The following FMNL2 variants were observed in gnomAD, a reference collection of about 807,000 sequenced individuals.
FMNL2 encodes the protein formin like 2, also known as formin-like protein 2.
A neutral mutation model predicts 130.2 loss-of-function variants in FMNL2; 51 were observed. That is an observed-to-expected ratio of 0.39 (90% CI 0.31 to 0.49). FMNL2 has a LOEUF of 0.49. Among genes scored for constraint, FMNL2 ranks in the 20% least tolerant of loss-of-function variants. The pLI is 0.85. For synonymous variants in FMNL2, 465 were observed against 467.1 expected, an observed-to-expected ratio of 1.00 and a Z score of 0.06; for missense variants, 977 against 1,316.2, an observed-to-expected ratio of 0.74 and a Z score of 3.99.
At chr2:152,358,056 A>C (rs1304382449) in intron 1 of FMNL2, among the ~76,000 whole-genome samples, 1 of 152,206 alleles carries the variant, frequency 6.6e-6, no homozygotes, top group Non-Finnish European at 1.5e-5. Flanking sequence ...TAAAGCAGAC[A>C]GAAGAAGATG....
At chr2:152,379,601 C>T (rs917509161) in intron 1 of FMNL2, among the ~76,000 whole-genome samples, 19 of 152,086 alleles carry the variant, frequency 1.2e-4, no homozygotes, top group Admixed American at 1.2e-3. Flanking sequence ...TTATATATAT[C>T]ATTTTTCCCT....
intron 2 of FMNL2, among the ~76,000 whole-genome samples, chr2:152,537,536 T>C (rs1052122079): frequency 1.3e-5 from 2 of 152,244 alleles, no homozygotes; most frequent in African/African-American, 2.4e-5. Context: ...GACTAACTTA[T>C]GTCTACTGAA....
chr2:152,577,075 A>G (rs1040490739), intron 7 of FMNL2, among the ~76,000 whole-genome samples: 1 of 152,198 alleles, frequency 6.6e-6, no homozygotes, highest in African/African-American at 2.4e-5. Flanking sequence ...GGCAAAGGCA[A>G]GAGGGGGTAG....
At chr2:152,413,591 C>G (rs1686440551) in intron 1 of FMNL2, among the ~76,000 whole-genome samples, 1 of 152,020 alleles carries the variant, frequency 6.6e-6, no homozygotes, top group South Asian at 2.1e-4. Flanking sequence ...TAATGGTGTC[C>G]CCCAGAAAAG....
intron 1 of FMNL2, among the ~76,000 whole-genome samples, chr2:152,414,837 A>G (rs1262378046): frequency 2.6e-5 from 4 of 152,224 alleles, no homozygotes; most frequent in Non-Finnish European, 5.9e-5. Context: ...GTGCATTCAC[A>G]TTAACTGTCA....
chr2:152,607,006 G>GTTTTTTTTTTTTTT (rs58237890), intron 9 of FMNL2, among the ~76,000 whole-genome samples: 11 of 84,870 alleles, frequency 1.3e-4, no homozygotes, highest in South Asian at 4.3e-4. Flanking sequence ...TTTTTTTTTT[G>GTTTTTTTTTTTTTT]TTTTTTTTTT....
chr2:152,423,837 GC>G (rs1468717815), intron 1 of FMNL2, among the ~76,000 whole-genome samples: 5 of 152,160 alleles, frequency 3.3e-5, no homozygotes, highest in African/African-American at 1.2e-4. Flanking sequence ...GGTCTGAAAA[GC>G]CTGGTCTGGA....
chr2:152,543,729 C>CAAAAA (rs71394490), intron 3 of FMNL2, among the ~76,000 whole-genome samples: 3,585 of 61,034 alleles, frequency 0.059, 302 homozygotes, highest in Middle Eastern at 0.11. Flanking sequence ...ACCCCCCGAC[C>CAAAAA]AAAAAAAAAA....
intron 1 of FMNL2, among the ~76,000 whole-genome samples, chr2:152,431,966 A>G (rs1379120158): frequency 1.4e-5 from 1 of 72,486 alleles, no homozygotes; most frequent in Non-Finnish European, 2.5e-5. Flanking sequence ...CCCTATCTTT[A>G]AAAAAAAAAA....
At chr2:152,369,134 C>T (rs1171829321) in intron 1 of FMNL2, among the ~76,000 whole-genome samples, 5 of 152,288 alleles carry the variant, frequency 3.3e-5, no homozygotes, top group Non-Finnish European at 7.4e-5. Flanking sequence ...ATACTTCCCA[C>T]TTTGTTTTAA....
Position 152,619,611 on chromosome 2 carries a change from C to T in FMNL2, c.1730C>T (p.Pro577Leu), listed in dbSNP as rs755743574. Reference sequence around the variant, plus strand: ...CCTCCGCCTCCTCCTCTCCCAGGCCCTGCAGCTGAGACTGTACCAGCTCCT... The same window carrying T: ...CCTCCGCCTCCTCCTCTCCCAGGCCTTGCAGCTGAGACTGTACCAGCTCCT... ...PPPPPPPLPG[P>L]AAETVPAPPL... Residue 577 changes from proline (P) to leucine (L), a missense_variant, in exon 15 of 26, where the codon CCT (proline) becomes CTT (leucine). Coordinates refer to ENST00000288670, the MANE Select transcript of FMNL2 (RefSeq NM_052905.4). 6.2e-7 allele frequency: 1 copy of T among 1,600,838 alleles called. No individual in the cohort carries two copies. Among genetic ancestry groups the T allele is most frequent in the Non-Finnish European group, 8.5e-7 (1 of 1,176,196 alleles).
At chr2:152,550,393 G>A (rs1211626918) in intron 4 of FMNL2, among the ~76,000 whole-genome samples, 1 of 152,152 alleles carries the variant, frequency 6.6e-6, no homozygotes, top group Non-Finnish European at 1.5e-5. Flanking sequence ...TTTGTCCCTG[G>A]AAATGGGCTA....
intron 1 of FMNL2, among the ~76,000 whole-genome samples, chr2:152,395,638 A>G (rs1685350900): frequency 6.6e-6 from 1 of 152,216 alleles, no homozygotes; most frequent in Non-Finnish European, 1.5e-5. Flanking sequence ...TTCCCCACCC[A>G]ATATGAATTT....
At chr2:152,590,914 TA>T (rs1697395198) in intron 9 of FMNL2, among the ~76,000 whole-genome samples, 1 of 150,134 alleles carries the variant, frequency 6.7e-6, no homozygotes, top group South Asian at 2.1e-4. Context: ...GACTGTTTGG[TA>T]AGTAATAATC....
At chr2:152,542,655 C>T in intron 2 of FMNL2, 84 bp from the exon 3 acceptor site, 2 of 1,391,022 alleles carry the variant, frequency 1.4e-6, no homozygotes, top group South Asian at 1.2e-5. Flanking sequence ...GCATTTTGGT[C>T]ATATTTTGGT....
intron 9 of FMNL2, among the ~76,000 whole-genome samples, chr2:152,592,426 T>C (rs1697490188): frequency 6.6e-6 from 1 of 152,158 alleles, no homozygotes; most frequent in South Asian, 2.1e-4. Flanking sequence ...TGTGGGGGTC[T>C]CTCGTCAATA....
chr2:152,581,524 T>C (rs1244498129), intron 9 of FMNL2, among the ~76,000 whole-genome samples: 3 of 152,094 alleles, frequency 2.0e-5, no homozygotes, highest in East Asian at 1.9e-4. Flanking sequence ...AATGCAACAG[T>C]TGAGCATGGT....
intron 11 of FMNL2, among the ~76,000 whole-genome samples, chr2:152,614,420 T>C (rs7579243): frequency 1 from 152,023 of 152,370 alleles, 75,839 homozygotes; most frequent in Non-Finnish European, 1. Context: ...TAAGCTCTCT[T>C]GGAAAGGGCT....
intron 1 of FMNL2, among the ~76,000 whole-genome samples, chr2:152,385,860 A>G (rs1684753534): frequency 6.6e-6 from 1 of 152,178 alleles, no homozygotes; most frequent in Non-Finnish European, 1.5e-5. Flanking sequence ...TTTTCAGATG[A>G]TCAACTTACC....
Sources: allele counts gnomAD v4.1 joint callset (sites outside exome capture counted in the v4.1 genomes callset), GRCh38; gene constraint gnomAD v4.1.1; transcripts MANE v1.5; gene names NCBI Gene and HGNC (gene_info 2026-07-23, HGNC 2026-07-21).